ZDBF2: variants seen among roughly 807,000 people sequenced by gnomAD.
ZDBF2 encodes zinc finger DBF-type containing 2.
A neutral mutation model predicts 9.4 loss-of-function variants in ZDBF2; 6 were observed. The ratio of observed to expected loss-of-function variants is 0.64; its 90% CI spans 0.35 to 1.27. The LOEUF is 1.27. ZDBF2 is among the 50% of genes most tolerant of loss of function. The pLI, the probability that ZDBF2 is intolerant of heterozygous loss-of-function variation, is 0.03. For missense variants in ZDBF2, 2,697 were observed against 2,766.8 expected, an observed-to-expected ratio of 0.97 and a Z score of 0.57; for synonymous variants, 905 against 946.3, an observed-to-expected ratio of 0.96 and a Z score of 0.80.
chr2:206,296,855 A>G (rs972173852), intron 3 of ZDBF2, among the ~76,000 whole-genome samples: 2 of 152,136 alleles, frequency 1.3e-5, no homozygotes. Context: ...ATTTTTTCTT[A>G]ATATGTAACG....
chr2:206,311,255 G>A lies in ZDBF2; in HGVS notation c.6727G>A (p.Ala2243Thr), dbSNP rs375075670. Reference sequence around the variant, plus strand: ...ACGTCATAGATATCAGTCCAGGAGCGCTTTTCTTGGAAGGTATCTGAAGAA... The same window carrying A: ...ACGTCATAGATATCAGTCCAGGAGCACTTTTCTTGGAAGGTATCTGAAGAA... The part of the protein sequence containing the change: ...FLRHRYQSRS[A>T]FLGRYLKKKK... The change falls in exon 5 of 5, where the codon GCT (alanine) becomes ACT (threonine). Residue 2243 changes from alanine to threonine, a missense_variant. Ala to Thr is a moderately conservative substitution (Grantham distance 58, BLOSUM62 0). This residue lies in a region of ZDBF2 where 1,783 missense variants were observed against 1,776.5 expected (regional missense o/e 1.00). Transcript: ENST00000374423. The A allele has an allele frequency of 1.2e-5, 20 of 1,610,720 alleles. No individual in the cohort carries two copies. The highest frequency in any genetic ancestry group is 2.2e-5 in the South Asian group (2 of 90,616).
chr2:206,276,825 C>A (rs954543345), intron 1 of ZDBF2, among the ~76,000 whole-genome samples: 9 of 152,280 alleles, frequency 5.9e-5, no homozygotes, highest in African/African-American at 2.2e-4. Flanking sequence ...TAAGTATTAG[C>A]TATTATTATT....
chr2:206,310,935 A>C lies in ZDBF2; in HGVS notation c.6407A>C (p.His2136Pro), dbSNP rs773474893. Residue 2136 changes from histidine to proline, a missense_variant, in exon 5 of 5, where the codon CAT (histidine) becomes CCT (proline). Transcript: ENST00000374423. ...TTTCTGGAAGAATCAAAGGTTCTGCATGCTCGTGAGCTTCCAAAGAAAAGA... is the reference window on the plus strand; with the variant it reads ...TTTCTGGAAGAATCAAAGGTTCTGCCTGCTCGTGAGCTTCCAAAGAAAAGA... ...SLFLEESKVL[H>P]ARELPKKRNF... The C allele has an allele frequency of 1.2e-6, 2 of 1,613,946 alleles. No individual in the cohort carries two copies. Among genetic ancestry groups the C allele is most frequent in the Admixed American group, 1.7e-5 (1 of 60,026 alleles).
intron 4 of ZDBF2, among the ~76,000 whole-genome samples, chr2:206,304,039 A>G (rs890587143): frequency 1.3e-5 from 2 of 152,170 alleles, no homozygotes. Flanking sequence ...CGTGTTCATT[A>G]AACACATGAG....
chr2:206,288,596 T>C lies in ZDBF2; in HGVS notation c.60+6687T>C, dbSNP rs1691719197. 2.6e-5 allele frequency among the ~76,000 whole-genome samples: 4 copies of C among 152,336 alleles called. 1 individual carries two copies. In the Middle Eastern group the frequency reaches 0.01, roughly 389 times the overall value. ...TTGTGGGACCAGGGTCCTAGGCTCA[T>C]AGGCTTATGAACCTATTGTTGCACT... On this transcript the variant is annotated intron_variant, in intron 3 of 4. Coordinates refer to ENST00000374423, the MANE Select transcript of ZDBF2 (RefSeq NM_020923.3).
chr2:206,295,324 T>C (rs1035529518), intron 3 of ZDBF2, among the ~76,000 whole-genome samples: 1 of 152,096 alleles, frequency 6.6e-6, no homozygotes, highest in Admixed American at 6.5e-5. Flanking sequence ...TATAAAACTT[T>C]GGGCAGTTTA....
chr2:206,290,854 C>T (rs1325996154), intron 3 of ZDBF2, among the ~76,000 whole-genome samples: 2 of 152,134 alleles, frequency 1.3e-5, no homozygotes, highest in South Asian at 4.2e-4. Context: ...TGCCTAATTG[C>T]TCTTGCTAGA....
At chr2:206,301,916 A>G (rs1223490577) in intron 4 of ZDBF2, among the ~76,000 whole-genome samples, 1 of 150,176 alleles carries the variant, frequency 6.7e-6, no homozygotes, top group Admixed American at 6.6e-5. Flanking sequence ...TGATGTTTTT[A>G]TTTTGGCCAT....
At position 206,306,084 on chromosome 2, in the gene ZDBF2, C is replaced by T; in HGVS notation, c.1556C>T (p.Pro519Leu). The T allele has an allele frequency of 1.2e-6, 2 of 1,613,804 alleles. No individual in the cohort carries two copies. The highest frequency in any genetic ancestry group is 1.7e-6 in the Non-Finnish European group (2 of 1,179,814). ...PQQSVTEVNLPKEVHIGLVDK... is the reference protein window; with the variant it reads ...PQQSVTEVNLLKEVHIGLVDK... Reference sequence around the variant, plus strand: ...CAATCTGTAACAGAAGTAAACCTTCCTAAGGAAGTGCACATTGGTTTGGTT... The same window carrying T: ...CAATCTGTAACAGAAGTAAACCTTCTTAAGGAAGTGCACATTGGTTTGGTT... The change falls in exon 5 of 5, where the codon CCT becomes CTT. Residue 519 changes from proline (P) to leucine (L), a missense_variant. Pro to Leu is a moderately conservative substitution (Grantham distance 98). Transcript: ENST00000374423.
At chr2:206,285,601 G>C (rs1691559355) in intron 3 of ZDBF2, among the ~76,000 whole-genome samples, 1 of 152,094 alleles carries the variant, frequency 6.6e-6, no homozygotes, top group Non-Finnish European at 1.5e-5. Flanking sequence ...GTCTGTTGAA[G>C]TCTCTCTTCA....
At position 206,309,371 on chromosome 2, in the gene ZDBF2, G is replaced by A. The variant is rs754786134; in HGVS notation, c.4843G>A (p.Glu1615Lys). 2 of 1,613,460 alleles carry A rather than the reference G, an allele frequency of 1.2e-6. No homozygotes were observed. Among genetic ancestry groups the A allele is most frequent in the Non-Finnish European group, 1.7e-6 (2 of 1,179,794 alleles). Residue 1615 changes from glutamate to lysine, a missense_variant, in exon 5 of 5, where the codon GAG becomes AAG. By Grantham distance (56) the Glu-to-Lys change is moderately conservative. Coordinates refer to ENST00000374423, the MANE Select transcript of ZDBF2 (RefSeq NM_020923.3). ...GAAGAAGGACTATATTATTCTGGGA[G>A]AGCCAAGTTGTCAATCTTGTGGTTC... The part of the protein sequence containing the change: ...NRKKDYIILG[E>K]PSCQSCGSEM...
At chr2:206,289,600 GC>G (rs1244989638) in intron 3 of ZDBF2, among the ~76,000 whole-genome samples, 1 of 152,192 alleles carries the variant, frequency 6.6e-6, no homozygotes, top group Non-Finnish European at 1.5e-5. Flanking sequence ...GGGAGCCATG[GC>G]TACTTGCCAA....
At chr2:206,299,779 A>G (rs1692397433) in intron 4 of ZDBF2, among the ~76,000 whole-genome samples, 1 of 151,884 alleles carries the variant, frequency 6.6e-6, no homozygotes. Flanking sequence ...CGGCCTGGGC[A>G]ACATAGTGAG....
chr2:206,287,825 A>G (rs146792427), intron 3 of ZDBF2, among the ~76,000 whole-genome samples: 1,530 of 151,900 alleles, frequency 0.01, 20 homozygotes, highest in Non-Finnish European at 0.017. Context: ...TCTTTCTTCA[A>G]TTTTATCAAA....
At chr2:206,282,013 G>A in intron 3 of ZDBF2, 104 bp downstream of exon 3, 1 of 1,068,914 alleles carries the variant, frequency 9.4e-7, no homozygotes, top group Non-Finnish European at 1.3e-6. Flanking sequence ...AGATCATATT[G>A]GGAATCTATT....
intron 3 of ZDBF2, among the ~76,000 whole-genome samples, chr2:206,294,460 C>T (rs1692063121): frequency 6.6e-6 from 1 of 152,122 alleles, no homozygotes; most frequent in African/African-American, 2.4e-5. Flanking sequence ...AGAGAGAGGA[C>T]AAGGTTGGAT....
intron 3 of ZDBF2, among the ~76,000 whole-genome samples, chr2:206,285,659 C>T (rs891393993): frequency 5.9e-5 from 9 of 152,112 alleles, no homozygotes; most frequent in South Asian, 2.1e-4. Flanking sequence ...TTGATATTAT[C>T]CAGTTTGTCT....
At chr2:206,278,962 C>T (rs537315870) in intron 1 of ZDBF2, among the ~76,000 whole-genome samples, 2 of 152,244 alleles carry the variant, frequency 1.3e-5, no homozygotes, top group East Asian at 3.9e-4. Context: ...TGAGTGGGTG[C>T]TTAATAGTTA....
At chr2:206,283,388 TTG>T (rs1243787481) in intron 3 of ZDBF2, among the ~76,000 whole-genome samples, 1 of 146,656 alleles carries the variant, frequency 6.8e-6, no homozygotes, top group Non-Finnish European at 1.5e-5. Flanking sequence ...GTTTTGTTTT[TTG>T]TTGTTGTTGT....
Sources: gnomAD v4.1 joint callset for allele counts (sites outside exome capture counted in the v4.1 genomes callset) on GRCh38, gnomAD v4.1.1 for gene constraint, gnomAD v4.1.1 regional missense constraint, MANE v1.5 for transcripts, NCBI Gene and HGNC (gene_info 2026-07-23, HGNC 2026-07-21) for gene names.